CCDC171: variants seen among roughly 807,000 people sequenced by gnomAD.
The protein encoded by CCDC171 is coiled-coil domain containing 171.
CCDC171 carries 177 observed loss-of-function variants against 168.2 expected under a neutral mutation model. That is an observed-to-expected ratio of 1.05 (90% CI 0.93 to 1.19). The LOEUF (loss-of-function observed/expected upper bound fraction) is 1.19, where lower values mean the gene tolerates loss of function less well. Among genes scored for constraint, CCDC171 ranks in the 50% most tolerant of loss-of-function variants. The probability of loss-of-function intolerance (pLI) is 0.00; values close to 1 mark genes in which losing one functional copy is unlikely to be tolerated. For missense variants in CCDC171, 1,991 were observed against 1,539.0 expected (o/e 1.29, Z -4.91); for synonymous variants, 687 against 540.8 (o/e 1.27, Z -3.75).
intron 25 of CCDC171, among the ~76,000 whole-genome samples, chr9:15,937,582 T>G (rs1444578016): frequency 6.6e-6 from 1 of 151,988 alleles, no homozygotes; most frequent in East Asian, 1.9e-4. Flanking sequence ...TCAGCAGTTT[T>G]AAAGTAGACA....
chr9:15,989,572 A>G (rs1295169015), intron 3 of CCDC171, among the ~76,000 whole-genome samples: 1 of 152,198 alleles, frequency 6.6e-6, no homozygotes, highest in Non-Finnish European at 1.5e-5. Context: ...ACAAAACTGG[A>G]TGGAGAATGA....
chr9:15,881,561 A>G (rs1182748471), intron 24 of CCDC171, among the ~76,000 whole-genome samples: 2 of 152,180 alleles, frequency 1.3e-5, no homozygotes, highest in Non-Finnish European at 2.9e-5. Flanking sequence ...ATCTAACACT[A>G]GGTCTTATTA....
intron 16 of CCDC171, among the ~76,000 whole-genome samples, chr9:15,741,554 A>G (rs1387270059): frequency 1.3e-5 from 2 of 151,944 alleles, no homozygotes; most frequent in Non-Finnish European, 2.9e-5. Context: ...TGTTTTTCCT[A>G]CCTTTTGGCT....
At chr9:15,866,391 T>G (rs2061786812) in intron 23 of CCDC171, among the ~76,000 whole-genome samples, 1 of 151,168 alleles carries the variant, frequency 6.6e-6, no homozygotes, top group African/African-American at 2.4e-5. Context: ...ACCAGAAGAG[T>G]GATGGTAGGT....
rs73644950 is a variant in CCDC171, at chr9:15,816,980, G to A, written c.3268-29722G>A. On this transcript the variant is annotated intron_variant, in intron 21 of 25. Transcript: ENST00000380701. ...CAGGATAGAGCTCAAGAAGCAGACT[G>A]AGTCAAAAGATAAAAGAAGTTTTAT... 1.2e-3 allele frequency among the ~76,000 whole-genome samples: 139 copies of A among 118,216 alleles called. 33 individuals are homozygous for A. The highest frequency in any genetic ancestry group is 4.3e-3 in the African/African-American group (136 of 31,604). 77.6% of individuals were successfully genotyped at this position (118,216 alleles called of 152,430 possible). A position where few individuals can be genotyped will look rare whatever the true frequency, so the allele number is the denominator to read the frequency against.
intron 8 of CCDC171, among the ~76,000 whole-genome samples, chr9:16,037,332 T>C (rs1833490112): frequency 6.6e-6 from 1 of 152,238 alleles, no homozygotes; most frequent in Non-Finnish European, 1.5e-5. Flanking sequence ...CATGATGCCA[T>C]GCAATCATGA....
chr9:15,917,469 T>C (rs1222605872), intron 24 of CCDC171, among the ~76,000 whole-genome samples: 1 of 114,328 alleles, frequency 8.7e-6, no homozygotes, highest in African/African-American at 2.6e-5. Flanking sequence ...AAAATTGGAT[T>C]ATTATATTCT....
chr9:15,555,945 G>A (rs2038760292), intron 1 of CCDC171, among the ~76,000 whole-genome samples: 1 of 152,028 alleles, frequency 6.6e-6, no homozygotes, highest in South Asian at 2.1e-4. Flanking sequence ...TTGGTTTTCT[G>A]TCCTTGCGAT....
chr9:15,618,281 T>G (rs902476511), intron 6 of CCDC171, among the ~76,000 whole-genome samples: 2 of 152,214 alleles, frequency 1.3e-5, no homozygotes, highest in Non-Finnish European at 2.9e-5. Flanking sequence ...CTGTGGTGAC[T>G]GTGCCCAGTC....
chr9:15,634,060 G>A (rs956676211), intron 7 of CCDC171, among the ~76,000 whole-genome samples: 1 of 152,114 alleles, frequency 6.6e-6, no homozygotes, highest in Non-Finnish European at 1.5e-5. Context: ...AGCTTTAGGA[G>A]ATACACCTAA....
At position 15,920,349 on chromosome 9, in the gene CCDC171, A is replaced by T. The variant is rs929952876; in HGVS notation, c.3680A>T (p.His1227Leu). Residue 1227 changes from histidine to leucine, a missense_variant, in exon 25 of 26, where the codon CAT (histidine) becomes CTT (leucine). Coordinates refer to ENST00000380701, the MANE Select transcript of CCDC171 (RefSeq NM_173550.4). ...ACATTAGAGAAGGAAATGACATCTC[A>T]TCGAAGTCACATTGCAGCCTTGAAA... ...IMTLEKEMTS[H>L]RSHIAALKSE... 6.2e-7 allele frequency: 1 copy of T among 1,609,222 alleles called. No homozygotes were observed. The highest frequency in any genetic ancestry group is 8.5e-7 in the Non-Finnish European group (1 of 1,176,644).
chr9:15,790,776 A>G (rs1198895510), intron 21 of CCDC171, among the ~76,000 whole-genome samples: 1 of 152,164 alleles, frequency 6.6e-6, no homozygotes, highest in African/African-American at 2.4e-5. Context: ...TTTTTGTATA[A>G]GGTGTAAGGA....
At chr9:15,969,032 C>G (rs963465152) in intron 25 of CCDC171, among the ~76,000 whole-genome samples, 26 of 152,036 alleles carry the variant, frequency 1.7e-4, no homozygotes, top group Non-Finnish European at 3.1e-4. Context: ...AAGGAAATCT[C>G]TCTGTCTCTC....
At chr9:15,557,972 C>T (rs1425814790) in intron 1 of CCDC171, among the ~76,000 whole-genome samples, 1 of 152,038 alleles carries the variant, frequency 6.6e-6, no homozygotes, top group Non-Finnish European at 1.5e-5. Context: ...TGTCAAAGGC[C>T]TTTTCTGCAT....
chr9:16,008,338 T>C (rs1832766644), intron 3 of CCDC171, among the ~76,000 whole-genome samples: 1 of 152,224 alleles, frequency 6.6e-6, no homozygotes, highest in Admixed American at 6.5e-5. Context: ...AGACTCTTCT[T>C]TCCCCCATTG....
chr9:16,040,094 G>A (rs1833548333), upstream of CCDC171, among the ~76,000 whole-genome samples: 2 of 152,134 alleles, frequency 1.3e-5, no homozygotes, highest in Non-Finnish European at 2.9e-5. Context: ...TGAAGGGAGG[G>A]AAGGTGAGGG....
At chr9:16,014,705 C>T (rs77602268) in intron 3 of CCDC171, among the ~76,000 whole-genome samples, 14,484 of 152,178 alleles carry the variant, frequency 0.095, 896 homozygotes, top group Non-Finnish European at 0.14. Flanking sequence ...ATATCTCCAT[C>T]AGAGATCTAG....
chr9:15,806,889 A>G (rs1372814249), intron 21 of CCDC171, among the ~76,000 whole-genome samples: 2 of 152,112 alleles, frequency 1.3e-5, no homozygotes, highest in Non-Finnish European at 2.9e-5. Context: ...TTCTTTACGT[A>G]ATCCCATGTT....
chr9:15,901,233 C>A (rs1821608065), intron 24 of CCDC171, among the ~76,000 whole-genome samples: 1 of 152,098 alleles, frequency 6.6e-6, no homozygotes, highest in Non-Finnish European at 1.5e-5. Flanking sequence ...ATTTTTAGAG[C>A]AGTGAGTCTA....
Sources: allele counts gnomAD v4.1 joint callset (sites outside exome capture counted in the v4.1 genomes callset), GRCh38; gene constraint gnomAD v4.1.1; transcripts MANE v1.5; gene names NCBI Gene and HGNC (gene_info 2026-07-23, HGNC 2026-07-21).